TLN2: variants seen among roughly 807,000 people sequenced by gnomAD.
TLN2 encodes the protein talin 2.
In TLN2, 118 loss-of-function variants were observed where a neutral mutation model predicts 294.7. The ratio of observed to expected loss-of-function variants is 0.40; its 90% CI spans 0.34 to 0.47. TLN2 has a LOEUF of 0.47. TLN2 is among the 20% of genes least tolerant of loss of function. TLN2 has a pLI of 0.84. For missense variants in TLN2, 3,083 were observed against 3,282.2 expected (o/e 0.94, Z 1.48); for synonymous variants, 1,431 against 1,304.5 (o/e 1.10, Z -2.09).
rs563391478 is a variant in TLN2, at chr15:62,788,177, G to C, written c.5736+4287G>C. On this transcript the variant is annotated intron_variant, in intron 45 of 58. Transcript: ENST00000636159. Reference sequence around the variant, plus strand: ...AATACAAAAATTAGCCGGGCATGGTGGGGGGTGCCTGTAATCTCAGCTATT... The same window carrying C: ...AATACAAAAATTAGCCGGGCATGGTCGGGGGTGCCTGTAATCTCAGCTATT... Among the ~76,000 whole-genome samples, 12 of 151,792 alleles carry C rather than the reference G, an allele frequency of 7.9e-5. No homozygotes were observed. The South Asian group carries it at 2.1e-3, about 26-fold the overall frequency.
chr15:62,455,379 G>A (rs561890466), intron 1 of TLN2, among the ~76,000 whole-genome samples: 16 of 152,228 alleles, frequency 1.1e-4, no homozygotes, highest in East Asian at 7.8e-4. Flanking sequence ...GAGGGTGTTC[G>A]GGATGGGAGA....
At chr15:62,700,611 T>C (rs904270217) in intron 16 of TLN2, among the ~76,000 whole-genome samples, 8 of 152,284 alleles carry the variant, frequency 5.3e-5, no homozygotes, top group Middle Eastern at 3.4e-3. Context: ...TACATGAGCA[T>C]GGCCCTTAGT....
At chr15:62,703,376 A>C (rs1477569291) in intron 19 of TLN2, among the ~76,000 whole-genome samples, 1 of 152,152 alleles carries the variant, frequency 6.6e-6, no homozygotes, top group African/African-American at 2.4e-5. Flanking sequence ...CTGGGATTAC[A>C]GGCGTGAGCC....
Position 62,783,753 on chromosome 15 carries a change from C to A in TLN2, c.5617-18C>A, listed in dbSNP as rs1393063264. On this transcript the variant is annotated intron_variant, in intron 44 of 58. Coordinates refer to ENST00000636159, the MANE Select transcript of TLN2 (RefSeq NM_015059.3). ...TGTGTGTGTGTGTGTGTGTGTCTTG[C>A]TTGTTTTCTTTTTCCAGATGACTAA... is the stretch of plus-strand genomic sequence containing the variant. 1 of 1,577,554 alleles carries A rather than the reference C, an allele frequency of 6.3e-7. No individual in the cohort carries two copies. The highest frequency in any genetic ancestry group is 1.1e-5 in the South Asian group (1 of 87,464).
chr15:62,642,414 C>CA (rs1393583401), intron 3 of TLN2, among the ~76,000 whole-genome samples: 1 of 152,220 alleles, frequency 6.6e-6, no homozygotes, highest in East Asian at 1.9e-4. Flanking sequence ...ATCCTAACCT[C>CA]AGAGTCTGCA....
chr15:62,802,160 T>C (rs1401325789), intron 50 of TLN2, among the ~76,000 whole-genome samples: 2 of 151,540 alleles, frequency 1.3e-5, no homozygotes, highest in African/African-American at 4.8e-5. Context: ...CTACCCTCTA[T>C]CTCCATGAGT....
At chr15:62,739,184 T>A (rs2061185175) in intron 30 of TLN2, among the ~76,000 whole-genome samples, 164 bp from the exon 31 acceptor site, 1 of 152,358 alleles carries the variant, frequency 6.6e-6, no homozygotes, top group African/African-American at 2.4e-5. Flanking sequence ...TATATGTTGG[T>A]GGTCAAACCT....
chr15:62,461,107 C>T (rs1249131964), intron 1 of TLN2, among the ~76,000 whole-genome samples: 1 of 152,102 alleles, frequency 6.6e-6, no homozygotes, highest in Non-Finnish European at 1.5e-5. Flanking sequence ...CGCTACCATG[C>T]CCGGCTAATT....
chr15:62,663,991 A>T (rs1448478097), intron 9 of TLN2, among the ~76,000 whole-genome samples: 1 of 152,052 alleles, frequency 6.6e-6, no homozygotes, highest in African/African-American at 2.4e-5. Context: ...TTGAAGATAT[A>T]TGAAGGACTC....
At chr15:62,423,931 C>T (rs898121448) in intron 1 of TLN2, among the ~76,000 whole-genome samples, 3 of 152,096 alleles carry the variant, frequency 2.0e-5, no homozygotes, top group Admixed American at 2.0e-4. Flanking sequence ...ACTCTGCTTT[C>T]ATTTGGTAAC....
chr15:62,758,193 G>T (rs536655262), intron 37 of TLN2, among the ~76,000 whole-genome samples: 4 of 152,050 alleles, frequency 2.6e-5, no homozygotes, highest in Admixed American at 1.3e-4. Flanking sequence ...AAGCACGAGG[G>T]AGCAGGAGCA....
chr15:62,440,570 C>T (rs183333072), intron 1 of TLN2, among the ~76,000 whole-genome samples: 34 of 152,298 alleles, frequency 2.2e-4, no homozygotes, highest in African/African-American at 7.9e-4. Flanking sequence ...TGCTGACTGT[C>T]CTCACTGTCC....
intron 3 of TLN2, among the ~76,000 whole-genome samples, chr15:62,632,139 A>T (rs2049960989): frequency 6.6e-6 from 1 of 152,220 alleles, no homozygotes; most frequent in Non-Finnish European, 1.5e-5. Context: ...GCCTGCTTAG[A>T]GGCAGTCAAT....
At chr15:62,568,908 A>C (rs2043630690) in intron 1 of TLN2, among the ~76,000 whole-genome samples, 1 of 152,192 alleles carries the variant, frequency 6.6e-6, no homozygotes, top group African/African-American at 2.4e-5. Flanking sequence ...GCTGTAACAC[A>C]TGACAACAGC....
intron 9 of TLN2, among the ~76,000 whole-genome samples, chr15:62,662,032 C>T (rs551490964): frequency 2.0e-5 from 3 of 151,786 alleles, no homozygotes; most frequent in African/African-American, 7.3e-5. Context: ...ACATACTTCC[C>T]TCAGTGAATG....
chr15:62,674,134 A>T (rs2055838973), intron 10 of TLN2, among the ~76,000 whole-genome samples: 1 of 152,244 alleles, frequency 6.6e-6, no homozygotes, highest in Non-Finnish European at 1.5e-5. Flanking sequence ...ATTTAATTTC[A>T]AAGGCATTAT....
intron 1 of TLN2, among the ~76,000 whole-genome samples, chr15:62,540,332 G>T (rs562147935): frequency 2.0e-5 from 3 of 149,728 alleles, no homozygotes; most frequent in East Asian, 2.0e-4. Context: ...GGAGTGAGAC[G>T]CCATCTTAAA....
At chr15:62,655,600 G>A (rs2053124185) in intron 7 of TLN2, among the ~76,000 whole-genome samples, 1 of 998 alleles carries the variant, frequency 1.0e-3, no homozygotes, top group African/African-American at 1.1e-3. Context: ...TGTCACCGTG[G>A]GTTGGCTGGC....
chr15:62,650,025 A>C, intron 4 of TLN2, 59 bp from the exon 5 acceptor site: 1 of 1,557,672 alleles, frequency 6.4e-7, no homozygotes, highest in African/African-American at 1.4e-5. Flanking sequence ...AGGGCCTGGA[A>C]GTCAGTGATG....
Sources: allele counts gnomAD v4.1 joint callset (sites outside exome capture counted in the v4.1 genomes callset), GRCh38; gene constraint gnomAD v4.1.1; transcripts MANE v1.5; gene names NCBI Gene and HGNC (gene_info 2026-07-23, HGNC 2026-07-21).